TMEM117: variants seen among roughly 807,000 people sequenced by gnomAD.
The protein encoded by TMEM117 is transmembrane protein 117.
A neutral mutation model predicts 52.4 loss-of-function variants in TMEM117; 27 were observed. The ratio of observed to expected loss-of-function variants is 0.51; its 90% CI spans 0.38 to 0.71. The LOEUF is 0.71. Ranked by LOEUF, TMEM117 falls within the 30% of genes least tolerant of loss-of-function variation. The pLI is 0.00. For missense variants in TMEM117, 556 were observed against 630.5 expected (o/e 0.88, Z 1.26); for synonymous variants, 215 against 206.3 (o/e 1.04, Z -0.36).
At chr12:44,202,003 A>G (rs1949502214) in intron 4 of TMEM117, among the ~76,000 whole-genome samples, 1 of 151,930 alleles carries the variant, frequency 6.6e-6, no homozygotes, top group African/African-American at 2.4e-5. Flanking sequence ...TATATATATC[A>G]TCTTTATATA....
chr12:43,886,056 A>T (rs1675757), intron 2 of TMEM117, among the ~76,000 whole-genome samples: 1 of 152,192 alleles, frequency 6.6e-6, no homozygotes, highest in Non-Finnish European at 1.5e-5. Context: ...ATCATATTAT[A>T]TATCCCATAT....
chr12:44,247,521 A>G (rs1011057815), intron 5 of TMEM117, among the ~76,000 whole-genome samples: 13 of 152,238 alleles, frequency 8.5e-5, no homozygotes, highest in African/African-American at 2.7e-4. Flanking sequence ...ATTATGATCA[A>G]TTGGAGTATT....
chr12:44,287,861 A>G (rs1052053786), intron 5 of TMEM117, among the ~76,000 whole-genome samples: 2 of 152,226 alleles, frequency 1.3e-5, no homozygotes, highest in African/African-American at 4.8e-5. Flanking sequence ...CAGTTTCAGC[A>G]CTTTTAAACT....
intron 6 of TMEM117, among the ~76,000 whole-genome samples, chr12:44,359,382 T>C (rs1035384190): frequency 5.3e-5 from 8 of 152,108 alleles, no homozygotes; most frequent in African/African-American, 1.9e-4. Flanking sequence ...TAATTTGATA[T>C]ATTACCTTAT....
At chr12:44,150,285 C>G (rs113672964) in intron 4 of TMEM117, among the ~76,000 whole-genome samples, 3 of 152,152 alleles carry the variant, frequency 2.0e-5, no homozygotes, top group African/African-American at 7.2e-5. Context: ...AGGAAGTACT[C>G]TTGGGGAATC....
chr12:44,221,578 C>T (rs1949789232), intron 5 of TMEM117, among the ~76,000 whole-genome samples: 1 of 152,124 alleles, frequency 6.6e-6, no homozygotes, highest in Non-Finnish European at 1.5e-5. Flanking sequence ...GGGTTCATCA[C>T]AAAATTTTAA....
In TMEM117 at chr12:43,962,450, T is replaced by G. The variant is rs1323937629; in HGVS notation, c.410+18108T>G. ...GGGACACTCAAAGACTGATACTGAT[T>G]TAAGTAACATACTAAATTAATATCC... On this transcript the variant is annotated intron_variant, in intron 3 of 7. Coordinates refer to ENST00000266534, the MANE Select transcript of TMEM117 (RefSeq NM_032256.3). Among the ~76,000 whole-genome samples the G allele has an allele frequency of 1.3e-5, 2 of 152,236 alleles. 1 individual carries two copies. The highest frequency in any genetic ancestry group is 4.8e-5 in the African/African-American group (2 of 41,466).
At chr12:44,235,241 A>C (rs1210361963) in intron 5 of TMEM117, among the ~76,000 whole-genome samples, 1 of 151,700 alleles carries the variant, frequency 6.6e-6, no homozygotes, top group Non-Finnish European at 1.5e-5. Flanking sequence ...ATTAATATAG[A>C]AACACCCTTT....
At chr12:43,799,460 G>A in the TMEM117 span, 3 of 1,609,774 alleles carry the variant, frequency 1.9e-6, no homozygotes, top group African/African-American at 4.0e-5. Flanking sequence ...GGGGAAGATT[G>A]TGACAGCAAG....
chr12:43,984,363 G>GTAA (rs1315252160), intron 3 of TMEM117, among the ~76,000 whole-genome samples: 15 of 91,920 alleles, frequency 1.6e-4, no homozygotes, highest in Non-Finnish European at 3.2e-4. Flanking sequence ...GTGAGACTCC[G>GTAA]TAACAACAAC....
At chr12:44,081,103 T>C (rs950736489) in intron 3 of TMEM117, among the ~76,000 whole-genome samples, 11 of 152,210 alleles carry the variant, frequency 7.2e-5, no homozygotes, top group African/African-American at 2.4e-4. Context: ...TTATTTTCCA[T>C]TGGCATTTGC....
rs530477230 is a variant in TMEM117, at chr12:43,935,636, A to C, written c.278-8574A>C. Among the ~76,000 whole-genome samples the C allele has an allele frequency of 2.0e-5, 3 of 152,338 alleles. No individual in the cohort carries two copies. In the South Asian group the frequency reaches 6.2e-4, roughly 32 times the overall value. ...TCTCTCACTGACAAAGCAAATCATA[A>C]ATCTCGGAATTGGTCTGGATCTTAA... is the stretch of plus-strand genomic sequence containing the variant. On this transcript the variant is annotated intron_variant, in intron 2 of 7. Coordinates refer to ENST00000266534, the MANE Select transcript of TMEM117 (RefSeq NM_032256.3).
At chr12:44,079,398 C>A (rs189299571) in intron 3 of TMEM117, among the ~76,000 whole-genome samples, 2 of 152,078 alleles carry the variant, frequency 1.3e-5, no homozygotes, top group Non-Finnish European at 2.9e-5. Flanking sequence ...TTTTAATGAT[C>A]GCCATTCTAA....
At chr12:44,117,280 A>G (rs529044733) in intron 3 of TMEM117, among the ~76,000 whole-genome samples, 3 of 152,034 alleles carry the variant, frequency 2.0e-5, no homozygotes, top group Admixed American at 6.5e-5. Context: ...ATACTGACTC[A>G]TCTTTTAAAT....
intron 6 of TMEM117, among the ~76,000 whole-genome samples, chr12:44,325,492 TTTATATTATTTA>T (rs1398862848): frequency 1.4e-5 from 2 of 145,604 alleles, no homozygotes; most frequent in East Asian, 3.9e-4. Flanking sequence ...ACTATTTATA[TTTATATTATTTA>T]TTATATTATT....
At chr12:44,098,578 T>A (rs1947812233) in intron 3 of TMEM117, among the ~76,000 whole-genome samples, 1 of 152,030 alleles carries the variant, frequency 6.6e-6, no homozygotes, top group Admixed American at 6.6e-5. Flanking sequence ...CCATTAGTAT[T>A]CTGTGTGTTA....
At chr12:44,110,346 CATAG>C (rs1288522584) in intron 3 of TMEM117, among the ~76,000 whole-genome samples, 1 of 128,554 alleles carries the variant, frequency 7.8e-6, no homozygotes, top group African/African-American at 3.1e-5. Flanking sequence ...GTGGGTTTGT[CATAG>C]ATAGCTCTTA....
chr12:44,017,014 T>C (rs989393424), intron 3 of TMEM117, among the ~76,000 whole-genome samples: 1 of 152,094 alleles, frequency 6.6e-6, no homozygotes, highest in Non-Finnish European at 1.5e-5. Context: ...GATTTTAGAG[T>C]GTTATCTTTT....
At chr12:44,140,593 G>C (rs916474398) in intron 3 of TMEM117, among the ~76,000 whole-genome samples, 1 of 152,080 alleles carries the variant, frequency 6.6e-6, no homozygotes, top group East Asian at 1.9e-4. Context: ...GTATAAAAGT[G>C]TGTAGAGGAT....
Sources: gnomAD v4.1 joint callset for allele counts (sites outside exome capture counted in the v4.1 genomes callset) on GRCh38, gnomAD v4.1.1 for gene constraint, MANE v1.5 for transcripts, NCBI Gene and HGNC (gene_info 2026-07-23, HGNC 2026-07-21) for gene names.